PLVAP: variants seen among roughly 807,000 people sequenced by gnomAD.
PLVAP encodes plasmalemma vesicle associated protein.
In PLVAP, 34 loss-of-function variants were observed where a neutral mutation model predicts 43.1. The ratio of observed to expected loss-of-function variants is 0.79; its 90% CI spans 0.60 to 1.05. The LOEUF is 1.05. PLVAP is among the 50% of genes least tolerant of loss of function. The pLI, the probability that PLVAP is intolerant of heterozygous loss-of-function variation, is 0.00. For missense variants in PLVAP, 574 were observed against 593.4 expected (o/e 0.97, Z 0.34); for synonymous variants, 241 against 237.3 (o/e 1.02, Z -0.14).
rs915371990 is a variant in PLVAP at position 17,357,872 on chromosome 19, G to A, written c.1322+2656C>T. Among the ~76,000 whole-genome samples, 6 of 152,108 alleles carry A rather than the reference G, an allele frequency of 3.9e-5. No homozygotes were observed. The South Asian group carries it at 8.3e-4, about 21-fold the overall frequency. ...AGGCTTAAGTACACATTGTTTTCTC[G>A]GCAGGTGGACGTCATTTCGGGGTAA... On this transcript the variant is annotated intron_variant, in intron 5 of 5. Coordinates refer to ENST00000252590, the MANE Select transcript of PLVAP (RefSeq NM_031310.3).
chr19:17,365,605 G>T lies in PLVAP; in HGVS notation c.860C>A (p.Ala287Asp), dbSNP rs1568375383. Residue 287 changes from alanine to aspartate, a missense_variant, in exon 3 of 6, where the codon GCC becomes GAC. By Grantham distance (126) the Ala-to-Asp change is moderately radical (BLOSUM62 -2). Coordinates refer to ENST00000252590, the MANE Select transcript of PLVAP (RefSeq NM_031310.3). The part of the protein sequence containing the change: ...SLMSSKVEEL[A>D]RSLRADIERV... ...TTCGATATCCGCCCGGAGGCTCCGG[G>T]CCAGCTCCTCCACCTTGGAGCTCAT... 6.2e-7 allele frequency: 1 copy of T among 1,613,080 alleles called. No individual in the cohort carries two copies. Among genetic ancestry groups the T allele is most frequent in the Non-Finnish European group, 8.5e-7 (1 of 1,180,030 alleles).
Position 17,365,856 on chromosome 19 carries a change from G to A in PLVAP, c.609C>T (p.Thr203=), listed in dbSNP as rs1212009570. The A allele has an allele frequency of 6.2e-7, 1 of 1,614,078 alleles. No individual in the cohort carries two copies. The change falls in exon 3 of 6, where the codon ACC becomes ACT. Residue 203 remains threonine, a synonymous_variant. Transcript: ENST00000252590. ...AEEQLVECVK[T]RELQHQERQL... is the part of the protein sequence containing the mutation. ...GGCGCTCTTGGTGCTGCAGCTCCCG[G>A]GTTTTCACGCATTCAACCAGCTGTT... is the stretch of plus-strand genomic sequence containing the variant.
At chr19:17,368,550 G>A (rs1568376180) in intron 1 of PLVAP, among the ~76,000 whole-genome samples, 1 of 152,072 alleles carries the variant, frequency 6.6e-6, no homozygotes, top group Admixed American at 6.6e-5. Flanking sequence ...GTTAAGGTGA[G>A]GTCCTTAGGG....
In PLVAP at chr19:17,351,647, G is replaced by A. The variant is rs924174597; in HGVS notation, c.*715C>T. 2.6e-5 allele frequency: 4 copies of A among 152,362 alleles called. No homozygotes were observed. The highest frequency in any genetic ancestry group is 2.9e-5 in the Non-Finnish European group (2 of 68,146). 9.4% of individuals were successfully genotyped at this position (152,362 alleles called of 1,614,324 possible). A position where few individuals can be genotyped will look rare whatever the true frequency, so the allele number is the denominator to read the frequency against. On this transcript the variant is annotated 3_prime_UTR_variant, in exon 6 of 6. Transcript: ENST00000252590. ...TGAATGGCTTCCTGTTCTCACCTCC[G>A]GGTCCAGGCACTGGGGGTGAGGAAG...
Position 17,377,019 on chromosome 19 carries a change from G to A in PLVAP, c.270C>T (p.Phe90=). The change falls in exon 1 of 6, where the codon TTC becomes TTT. Residue 90 remains phenylalanine (F), a synonymous_variant. Transcript: ENST00000252590. ...SQSNLTKELN[F]TTRAKDAIMQ... ...TGATGGCATCCTTGGCGCGGGTGGT[G>A]AAGTTGAGCTCCTTGGTCAAGTTGG... 1 of 1,614,150 alleles carries A rather than the reference G, an allele frequency of 6.2e-7. No homozygotes were observed. Among genetic ancestry groups the A allele is most frequent in the Non-Finnish European group, 8.5e-7 (1 of 1,180,030 alleles).
chr19:17,375,975 G>A (rs1304377055), intron 1 of PLVAP, among the ~76,000 whole-genome samples: 1 of 151,784 alleles, frequency 6.6e-6, no homozygotes, highest in Non-Finnish European at 1.5e-5. Flanking sequence ...GAGCCCAGGA[G>A]TTCAAGACCA....
chr19:17,365,824 G>A lies in PLVAP; in HGVS notation c.641C>T (p.Ala214Val). 1 of 1,614,126 alleles carries A rather than the reference G, an allele frequency of 6.2e-7. No individual in the cohort carries two copies. The highest frequency in any genetic ancestry group is 8.5e-7 in the Non-Finnish European group (1 of 1,180,034). Residue 214 changes from alanine to valine, a missense_variant, in exon 3 of 6, where the codon GCC becomes GTC. Transcript: ENST00000252590. ...RELQHQERQL[A>V]KEQLQKVQAL... ...TTGCACCTTTTGCAGTTGCTCCTTGGCCAGCTGGCGCTCTTGGTGCTGCAG... is the reference window on the plus strand; with the variant it reads ...TTGCACCTTTTGCAGTTGCTCCTTGACCAGCTGGCGCTCTTGGTGCTGCAG...
chr19:17,368,914 G>T (rs981249976), intron 1 of PLVAP, among the ~76,000 whole-genome samples: 2 of 152,154 alleles, frequency 1.3e-5, no homozygotes, highest in Non-Finnish European at 2.9e-5. Context: ...GGAGGCGGAG[G>T]TTGCAGTGAG....
chr19:17,376,288 G>A (rs1442705889), intron 1 of PLVAP, among the ~76,000 whole-genome samples: 9 of 152,248 alleles, frequency 5.9e-5, no homozygotes, highest in African/African-American at 1.9e-4. Flanking sequence ...CCAGGAGTTC[G>A]AGACTAGCCT....
intron 1 of PLVAP, 126 bp from the exon 2 acceptor site, chr19:17,366,321 T>G: frequency 1.2e-6 from 1 of 809,962 alleles, no homozygotes; most frequent in South Asian, 1.7e-5. Flanking sequence ...GGTCCCTTTA[T>G]GAGGGAATGT....
intron 1 of PLVAP, among the ~76,000 whole-genome samples, chr19:17,366,961 T>A (rs1468016635): frequency 9.4e-6 from 1 of 106,454 alleles, no homozygotes; most frequent in African/African-American, 4.1e-5. Context: ...TTTTTTTTTT[T>A]AGACAGGGTC....
intron 1 of PLVAP, among the ~76,000 whole-genome samples, chr19:17,366,936 C>T (rs2074552784): frequency 8.2e-6 from 1 of 121,648 alleles, no homozygotes; most frequent in South Asian, 2.7e-4. Context: ...GTGCCCGGCT[C>T]GAATTTTTTT....
chr19:17,373,369 G>A (rs1340909097), intron 1 of PLVAP, among the ~76,000 whole-genome samples: 1 of 152,028 alleles, frequency 6.6e-6, no homozygotes. Flanking sequence ...TTGAGGTGGA[G>A]GTAGGGCCCC....
intron 5 of PLVAP, among the ~76,000 whole-genome samples, chr19:17,357,724 C>T (rs1337776114): frequency 6.6e-6 from 1 of 152,148 alleles, no homozygotes; most frequent in East Asian, 1.9e-4. Flanking sequence ...GCCCAGTTAA[C>T]CCAGAGCAGA....
At chr19:17,353,759 G>A (rs1402984942) in intron 5 of PLVAP, among the ~76,000 whole-genome samples, 1 of 152,116 alleles carries the variant, frequency 6.6e-6, no homozygotes. Flanking sequence ...CATCACCAAA[G>A]GACCCTTGAG....
In PLVAP at chr19:17,365,687, G is replaced by A; in HGVS notation, c.778C>T (p.Pro260Ser). The change falls in exon 3 of 6, where the codon CCC becomes TCC. Residue 260 changes from proline to serine, a missense_variant. By Grantham distance (74) the Pro-to-Ser change is moderately conservative. Transcript: ENST00000252590. Reference sequence around the variant, plus strand: ...ATGGAGGCCAATTCCGAGCCCAGGGGATGGTAGAGGTTGTAACCCAGGTTG... The same window carrying A: ...ATGGAGGCCAATTCCGAGCCCAGGGAATGGTAGAGGTTGTAACCCAGGTTG... The part of the protein sequence containing the change: ...LDNLGYNLYH[P>S]LGSELASIRR... 6.2e-7 allele frequency: 1 copy of A among 1,613,866 alleles called. No homozygotes were observed. Among genetic ancestry groups the A allele is most frequent in the Non-Finnish European group, 8.5e-7 (1 of 1,180,022 alleles).
Position 17,365,593 on chromosome 19 carries a change from C to G in PLVAP, c.872G>C (p.Arg291Pro), listed in dbSNP as rs148762093. The G allele has an allele frequency of 6.2e-7, 1 of 1,612,852 alleles. No homozygotes were observed. The highest frequency in any genetic ancestry group is 8.5e-7 in the Non-Finnish European group (1 of 1,180,008). The change falls in exon 3 of 6, where the codon CGG (arginine) becomes CCG (proline). Residue 291 changes from arginine to proline, a missense_variant. Arg to Pro is a moderately radical substitution (Grantham distance 103). Coordinates refer to ENST00000252590, the MANE Select transcript of PLVAP (RefSeq NM_031310.3). ...SKVEELARSL[R>P]ADIERVAREN... is the part of the protein sequence containing the mutation. ...GCGGGCCACGCGTTCGATATCCGCC[C>G]GGAGGCTCCGGGCCAGCTCCTCCAC...
rs1180731492 is a variant in PLVAP, at chr19:17,355,545, T to G, written c.1323-3177A>C. 4.7e-5 allele frequency among the ~76,000 whole-genome samples: 7 copies of G among 150,516 alleles called. 1 individual carries two copies. The highest frequency in any genetic ancestry group is 2.6e-4 in the Admixed American group (4 of 15,110). Reference sequence around the variant, plus strand: ...GCCTGGTTAATTTTTTTTTTTTTTTTTGAGACAGTGTCTCGCTCTGTAGCC... The same window carrying G: ...GCCTGGTTAATTTTTTTTTTTTTTTGTGAGACAGTGTCTCGCTCTGTAGCC... On this transcript the variant is annotated intron_variant, in intron 5 of 5. Coordinates refer to ENST00000252590, the MANE Select transcript of PLVAP (RefSeq NM_031310.3).
chr19:17,373,693 C>T (rs942509273), intron 1 of PLVAP, among the ~76,000 whole-genome samples: 2 of 152,032 alleles, frequency 1.3e-5, no homozygotes, highest in Admixed American at 6.6e-5. Flanking sequence ...TCTGAGAACA[C>T]GGGGATAATT....
Sources: gnomAD v4.1 joint callset for allele counts (sites outside exome capture counted in the v4.1 genomes callset) on GRCh38, gnomAD v4.1.1 for gene constraint, MANE v1.5 for transcripts, NCBI Gene and HGNC (gene_info 2026-07-23, HGNC 2026-07-21) for gene names.